FLT1: variants seen among roughly 807,000 people sequenced by gnomAD.
FLT1 encodes the protein vascular endothelial growth factor receptor 1.
A neutral mutation model predicts 156.3 loss-of-function variants in FLT1; 49 were observed. The observed-to-expected ratio is 0.31, with a 90% CI of 0.25 to 0.40. FLT1 has a LOEUF of 0.40. FLT1 is among the 10% of genes least tolerant of loss of function. The probability of loss-of-function intolerance (pLI) is 1.00; values close to 1 mark genes in which losing one functional copy is unlikely to be tolerated. For synonymous variants in FLT1, 594 were observed against 583.8 expected, an observed-to-expected ratio of 1.02 and a Z score of -0.25; for missense variants, 1,322 against 1,637.2, an observed-to-expected ratio of 0.81 and a Z score of 3.32.
intron 29 of FLT1, among the ~76,000 whole-genome samples, chr13:28,304,384 C>T (rs1870649714): frequency 6.6e-6 from 1 of 152,140 alleles, no homozygotes; most frequent in Admixed American, 6.5e-5. Flanking sequence ...GGAAATGCCC[C>T]TGTCTTTCCC....
chr13:28,412,488 C>T (rs1221404325), intron 10 of FLT1, among the ~76,000 whole-genome samples: 2 of 151,104 alleles, frequency 1.3e-5, no homozygotes, highest in Non-Finnish European at 2.9e-5. Flanking sequence ...GTGGCACCAT[C>T]CTGGCTCACT....
intron 17 of FLT1, 37 bp downstream of exon 17, chr13:28,339,131 A>C: frequency 6.3e-7 from 1 of 1,597,870 alleles, no homozygotes; most frequent in Non-Finnish European, 8.6e-7. Flanking sequence ...ATATGTGCTC[A>C]GTATAGGTTT....
chr13:28,494,133 G>A (rs997444548), intron 1 of FLT1, among the ~76,000 whole-genome samples: 15 of 152,220 alleles, frequency 9.9e-5, no homozygotes, highest in Admixed American at 2.6e-4. Flanking sequence ...GGCGCTCGCC[G>A]AGCGTTCCCC....
intron 10 of FLT1, among the ~76,000 whole-genome samples, chr13:28,410,698 C>T (rs1420186357): frequency 6.6e-6 from 1 of 152,204 alleles, no homozygotes; most frequent in Non-Finnish European, 1.5e-5. Flanking sequence ...CTATGTGCTA[C>T]TAAAGCTTGG....
chr13:28,454,417 C>T (rs10507386), intron 3 of FLT1, among the ~76,000 whole-genome samples: 18,380 of 152,140 alleles, frequency 0.12, 1,423 homozygotes, highest in Admixed American at 0.2. Context: ...CACCAAACAC[C>T]GTCCTAAATG....
At chr13:28,331,362 G>C (rs1188379880) in intron 18 of FLT1, among the ~76,000 whole-genome samples, 1 of 152,194 alleles carries the variant, frequency 6.6e-6, no homozygotes, top group Non-Finnish European at 1.5e-5. Context: ...ATGGGTGTAA[G>C]GCCCAAAAAG....
At chr13:28,349,469 C>T (rs936034379) in intron 15 of FLT1, among the ~76,000 whole-genome samples, 16 of 150,948 alleles carry the variant, frequency 1.1e-4, no homozygotes, top group Middle Eastern at 3.4e-3. Context: ...CATGCGCACA[C>T]GCACACACAC....
At chr13:28,339,132 G>A (rs768172278) in intron 17 of FLT1, 36 bp downstream of exon 17, 1 of 1,600,496 alleles carries the variant, frequency 6.2e-7, no homozygotes, top group Non-Finnish European at 8.6e-7. Context: ...TATGTGCTCA[G>A]TATAGGTTTA....
chr13:28,315,325 C>T (rs1000406534), intron 25 of FLT1, among the ~76,000 whole-genome samples: 1 of 152,200 alleles, frequency 6.6e-6, no homozygotes, highest in African/African-American at 2.4e-5. Context: ...GAGGCCAAGG[C>T]CAGTGGATCA....
chr13:28,356,007 C>T (rs1872884712), intron 15 of FLT1, among the ~76,000 whole-genome samples: 1 of 152,214 alleles, frequency 6.6e-6, no homozygotes, highest in Non-Finnish European at 1.5e-5. Flanking sequence ...CATACCCAGG[C>T]TCCTCCCAGG....
chr13:28,321,360 T>C (rs1566285033), intron 23 of FLT1, 103 bp downstream of exon 23: 1 of 1,394,928 alleles, frequency 7.2e-7, no homozygotes, highest in South Asian at 1.2e-5. Flanking sequence ...AAGCCAATGA[T>C]GGTTTTCAGG....
chr13:28,398,971 C>G, intron 11 of FLT1: 1 of 990,972 alleles, frequency 1.0e-6, no homozygotes, highest in East Asian at 2.6e-5. Context: ...GATGATGAAT[C>G]TTTTTAAGAG....
At chr13:28,448,257 G>C (rs1281274182) in intron 3 of FLT1, among the ~76,000 whole-genome samples, 1 of 152,134 alleles carries the variant, frequency 6.6e-6, no homozygotes, top group Admixed American at 6.6e-5. Flanking sequence ...CCACCCCTAG[G>C]TATCTACCCA....
chr13:28,487,327 TTGAGTTTAAGTGGTTTTATATTTG>T (rs1207876324), intron 1 of FLT1, among the ~76,000 whole-genome samples: 1 of 152,252 alleles, frequency 6.6e-6, no homozygotes, highest in African/African-American at 2.4e-5. Flanking sequence ...ACAGGTGGCC[TTGAGTTTAAGTGGTTTTATATTTG>T]TGTATAATAA....
intron 15 of FLT1, among the ~76,000 whole-genome samples, chr13:28,347,389 G>A (rs907823375): frequency 1.3e-5 from 2 of 152,052 alleles, no homozygotes; most frequent in African/African-American, 2.4e-5. Flanking sequence ...TTAGCTGGGT[G>A]TGGTGGGGGG....
intron 29 of FLT1, 36 bp downstream of exon 29, chr13:28,306,642 C>T (rs1870761415): frequency 7.0e-7 from 1 of 1,419,220 alleles, no homozygotes; most frequent in South Asian, 1.1e-5. Flanking sequence ...CGTACCCCTC[C>T]ATCAACTGAT....
intron 14 of FLT1, among the ~76,000 whole-genome samples, chr13:28,380,835 C>T (rs942008485): frequency 1.1e-4 from 17 of 152,148 alleles, no homozygotes; most frequent in Non-Finnish European, 1.8e-4. Context: ...CAGCATTGAA[C>T]AAGCCAAGAC....
chr13:28,377,682 A>T (rs1176636964), intron 14 of FLT1, among the ~76,000 whole-genome samples: 1 of 152,270 alleles, frequency 6.6e-6, no homozygotes, highest in Non-Finnish European at 1.5e-5. Context: ...TTAAATAAGT[A>T]AATATATGAG....
At chr13:28,386,939 C>T (rs1874400413) in intron 13 of FLT1, 1 of 1,044,832 alleles carries the variant, frequency 9.6e-7, no homozygotes, top group African/African-American at 1.7e-5. Context: ...TCTATCACTG[C>T]CCATCGGTCT....
Sources: allele counts gnomAD v4.1 joint callset (sites outside exome capture counted in the v4.1 genomes callset), GRCh38; gene constraint gnomAD v4.1.1; transcripts MANE v1.5; gene names NCBI Gene and HGNC (gene_info 2026-07-23, HGNC 2026-07-21).